KIAA1328: variants seen among roughly 807,000 people sequenced by gnomAD.
KIAA1328 encodes protein hinderin.
A neutral mutation model predicts 68.1 loss-of-function variants in KIAA1328; 52 were observed. The ratio of observed to expected loss-of-function variants is 0.76; its 90% CI spans 0.61 to 0.96. The LOEUF is 0.96. Ranked by LOEUF, KIAA1328 falls within the 40% of genes least tolerant of loss-of-function variation. The pLI is 0.00. For missense variants in KIAA1328, 641 were observed against 677.6 expected (o/e 0.95, Z 0.60); for synonymous variants, 232 against 239.4 (o/e 0.97, Z 0.28).
downstream of KIAA1328, among the ~76,000 whole-genome samples, chr18:37,227,800 A>G (rs1207507077): frequency 6.6e-6 from 1 of 152,184 alleles, no homozygotes; most frequent in African/African-American, 2.4e-5. Flanking sequence ...AGTAATTTCA[A>G]CTTTCCACAT....
Position 36,848,768 on chromosome 18 carries a change from A to G in KIAA1328, c.332+4466A>G, listed in dbSNP as rs1180867066. Among the ~76,000 whole-genome samples, 5 of 149,592 alleles carry G rather than the reference A, an allele frequency of 3.3e-5. No individual in the cohort carries two copies. In the East Asian group the frequency reaches 9.6e-4, roughly 29 times the overall value. On this transcript the variant is annotated intron_variant, in intron 4 of 9. Transcript: ENST00000280020. ...ATTGAGAGTTTTTATCTTTAGTCAT[A>G]AATTGGAGTAGAATTTGTCAATTTT...
chr18:37,215,769 T>G (rs1023737331), intron 9 of KIAA1328, among the ~76,000 whole-genome samples: 2 of 152,132 alleles, frequency 1.3e-5, no homozygotes, highest in South Asian at 4.1e-4. Context: ...CTGTGAATCC[T>G]TCTGGTCCTG....
intron 6 of KIAA1328, among the ~76,000 whole-genome samples, chr18:36,960,973 G>A (rs1390627515): frequency 6.6e-6 from 1 of 152,214 alleles, no homozygotes; most frequent in Non-Finnish European, 1.5e-5. Context: ...ACTTTGATGA[G>A]TTGACAGAAG....
At chr18:36,962,941 T>C (rs1164552361) in intron 6 of KIAA1328, among the ~76,000 whole-genome samples, 1 of 152,026 alleles carries the variant, frequency 6.6e-6, no homozygotes, top group African/African-American at 2.4e-5. Flanking sequence ...ATTCAAAAGC[T>C]AGCAGAAGGC....
chr18:37,053,291 G>A (rs2055775784), intron 6 of KIAA1328, among the ~76,000 whole-genome samples: 1 of 152,066 alleles, frequency 6.6e-6, no homozygotes, highest in Admixed American at 6.6e-5. Context: ...ATATGCAGAG[G>A]AAAGAAACTG....
chr18:37,124,165 C>T (rs1266818981), intron 7 of KIAA1328, among the ~76,000 whole-genome samples: 1 of 152,040 alleles, frequency 6.6e-6, no homozygotes, highest in Non-Finnish European at 1.5e-5. Context: ...AAATGCTAAG[C>T]TAAGACAAAA....
At chr18:37,099,701 T>A (rs560599626) in intron 7 of KIAA1328, among the ~76,000 whole-genome samples, 1 of 152,320 alleles carries the variant, frequency 6.6e-6, no homozygotes, top group African/African-American at 2.4e-5. Context: ...TATTATTGTG[T>A]GGGAGTCTAA....
At chr18:36,943,307 A>G (rs2050777716) in intron 5 of KIAA1328, among the ~76,000 whole-genome samples, 1 of 152,210 alleles carries the variant, frequency 6.6e-6, no homozygotes, top group Admixed American at 6.5e-5. Flanking sequence ...TACTTTCATT[A>G]TAGAACCTTT....
intron 7 of KIAA1328, among the ~76,000 whole-genome samples, chr18:37,106,539 C>T (rs566641983): frequency 1.7e-4 from 26 of 152,108 alleles, no homozygotes. Flanking sequence ...CTGCCACAGC[C>T]TCCCGAATAG....
At chr18:37,014,494 C>A (rs1010439613) in intron 6 of KIAA1328, among the ~76,000 whole-genome samples, 2 of 152,098 alleles carry the variant, frequency 1.3e-5, no homozygotes, top group Admixed American at 1.3e-4. Context: ...TAGAGAAATA[C>A]CTGAGACTGG....
At chr18:37,054,294 G>C (rs1386857585) in intron 6 of KIAA1328, among the ~76,000 whole-genome samples, 1 of 152,054 alleles carries the variant, frequency 6.6e-6, no homozygotes, top group Non-Finnish European at 1.5e-5. Flanking sequence ...ATTTTACCTA[G>C]CAGTCTCACT....
chr18:37,068,531 T>G (rs2151740868), intron 7 of KIAA1328, among the ~76,000 whole-genome samples: 1 of 152,330 alleles, frequency 6.6e-6, no homozygotes, highest in Non-Finnish European at 1.5e-5. Context: ...ACGTGTATAG[T>G]GACATTTCAT....
At chr18:36,903,383 C>T (rs1252351202) in intron 5 of KIAA1328, among the ~76,000 whole-genome samples, 1 of 152,040 alleles carries the variant, frequency 6.6e-6, no homozygotes, top group Non-Finnish European at 1.5e-5. Flanking sequence ...TAAAATAATT[C>T]TTGCCAGTTC....
At chr18:37,126,024 A>G (rs1268650434) in intron 7 of KIAA1328, among the ~76,000 whole-genome samples, 1 of 152,232 alleles carries the variant, frequency 6.6e-6, no homozygotes, top group Non-Finnish European at 1.5e-5. Context: ...TAAATTTCAG[A>G]GTCAGAAATG....
intron 7 of KIAA1328, among the ~76,000 whole-genome samples, chr18:37,139,937 G>A (rs924586316): frequency 6.6e-6 from 1 of 152,160 alleles, no homozygotes; most frequent in African/African-American, 2.4e-5. Flanking sequence ...GTCAAACTGT[G>A]TGATTATTTA....
Position 37,224,858 on chromosome 18 carries a change from C to G in KIAA1328, c.*2631C>G, listed in dbSNP as rs1011006771. ...CAACTCCTGTGAGAGAAAAACCAAT[C>G]AATGTTTACAAAATGGAAAAGGACA... On this transcript the variant is annotated 3_prime_UTR_variant, in exon 10 of 10. Transcript: ENST00000280020. 1.6e-5 allele frequency: 16 copies of G among 985,474 alleles called. No homozygotes were observed. The highest frequency in any genetic ancestry group is 1.9e-5 in the Non-Finnish European group (16 of 829,964). 61.0% of individuals were successfully genotyped at this position (985,474 alleles called of 1,614,324 possible). A position where few individuals can be genotyped will look rare whatever the true frequency, so the allele number is the denominator to read the frequency against.
intron 6 of KIAA1328, among the ~76,000 whole-genome samples, chr18:37,021,824 G>T (rs2054357971): frequency 6.6e-6 from 1 of 151,876 alleles, no homozygotes; most frequent in South Asian, 2.1e-4. Context: ...GGATCACGAG[G>T]TCAGGAGATC....
At chr18:36,952,664 G>A (rs897827204) in intron 5 of KIAA1328, among the ~76,000 whole-genome samples, 1 of 152,148 alleles carries the variant, frequency 6.6e-6, no homozygotes, top group African/African-American at 2.4e-5. Context: ...GCCTTTGTAC[G>A]TCTTATGCCT....
intron 9 of KIAA1328, among the ~76,000 whole-genome samples, chr18:37,219,314 C>T (rs1599631071): frequency 6.6e-6 from 1 of 152,210 alleles, no homozygotes; most frequent in Admixed American, 6.5e-5. Context: ...GCAGTCTGTC[C>T]GTTCTCAGAG....
Sources: gnomAD v4.1 joint callset for allele counts (sites outside exome capture counted in the v4.1 genomes callset) on GRCh38, gnomAD v4.1.1 for gene constraint, MANE v1.5 for transcripts, NCBI Gene and HGNC (gene_info 2026-07-23, HGNC 2026-07-21) for gene names.